The following PRIMPOL variants were observed in gnomAD, a reference collection of about 807,000 sequenced individuals.
PRIMPOL encodes primase and DNA directed polymerase.
PRIMPOL carries 54 observed loss-of-function variants against 63.6 expected under a neutral mutation model. That is an observed-to-expected ratio of 0.85 (90% CI 0.68 to 1.07). The LOEUF is 1.07. Ranked by LOEUF, PRIMPOL falls within the 50% of genes least tolerant of loss-of-function variation. The probability of loss-of-function intolerance (pLI) is 0.00; values close to 1 mark genes in which losing one functional copy is unlikely to be tolerated. For missense variants in PRIMPOL, 610 were observed against 648.3 expected (o/e 0.94, Z 0.64); for synonymous variants, 197 against 220.2 (o/e 0.89, Z 0.93).
intron 6 of PRIMPOL, among the ~76,000 whole-genome samples, chr4:184,670,311 A>G (rs966456413): frequency 7.2e-5 from 11 of 152,170 alleles, no homozygotes; most frequent in African/African-American, 2.7e-4. Context: ...GGGGTCAAGT[A>G]GCTGCAATGT....
In PRIMPOL at chr4:184,663,071, G is replaced by C. The variant is rs185386994; in HGVS notation, c.408+1168G>C. Reference sequence around the variant, plus strand: ...TTATTATTATTATTTCTGAGACAGAGTCTAGCTCTGTCACCCAGACTGGAG... The same window carrying C: ...TTATTATTATTATTTCTGAGACAGACTCTAGCTCTGTCACCCAGACTGGAG... On this transcript the variant is annotated intron_variant, in intron 5 of 13. Transcript: ENST00000314970. 2.8e-3 allele frequency among the ~76,000 whole-genome samples: 393 copies of C among 138,926 alleles called. 6 individuals are homozygous for C. The South Asian group carries it at 0.042, about 15-fold the overall frequency. The allele number at this position is 138,926 out of a possible 152,430, so 91.1% of individuals were successfully genotyped here.
At chr4:184,671,708 G>T (rs1280076573) in intron 6 of PRIMPOL, among the ~76,000 whole-genome samples, 1 of 151,536 alleles carries the variant, frequency 6.6e-6, no homozygotes, top group Non-Finnish European at 1.5e-5. Flanking sequence ...GAAGTCACAG[G>T]AGTGGCATAT....
At position 184,692,899 on chromosome 4, in the gene PRIMPOL, A is replaced by T. The variant is rs374305697; in HGVS notation, c.1425+1187A>T. ...TTTCGGATTCACTATTAGTATTTCT[A>T]TAATGAAGTGCCTGTACCTGTCCTC... is the stretch of plus-strand genomic sequence containing the variant. On this transcript the variant is annotated intron_variant, in intron 13 of 13. Coordinates refer to ENST00000314970, the MANE Select transcript of PRIMPOL (RefSeq NM_152683.4). Among the ~76,000 whole-genome samples the T allele has an allele frequency of 2.0e-5, 3 of 152,308 alleles. No homozygotes were observed. The South Asian group carries it at 6.2e-4, about 32-fold the overall frequency.
chr4:184,672,488 C>T, intron 7 of PRIMPOL, 28 bp downstream of exon 7: 1 of 1,574,434 alleles, frequency 6.4e-7, no homozygotes, highest in Non-Finnish European at 8.6e-7. Flanking sequence ...CTTTCTCCAT[C>T]AGACCGCCCT....
Position 184,657,195 on chromosome 4 carries a change from TA to T in PRIMPOL, c.56del (p.Tyr19LeufsTer53). 2 of 1,613,100 alleles carry T rather than the reference TA, an allele frequency of 1.2e-6. No individual in the cohort carries two copies. Among genetic ancestry groups the T allele is most frequent in the Non-Finnish European group, 1.7e-6 (2 of 1,179,642 alleles). ...GCAAATTGAAGAACGAGCATCTCAT[TA>T]TGAGAGGAAACCGTTGTCCTCAGTG... ...LKQIEERASHYERKPLSSVYR... is the reference protein window; with the variant it reads ...LKQIEERASHXERKPLSSVYR... On this transcript the variant is annotated frameshift_variant, in exon 3 of 14. Coordinates refer to ENST00000314970, the MANE Select transcript of PRIMPOL (RefSeq NM_152683.4). LOFTEE classifies it high-confidence loss of function.
intron 7 of PRIMPOL, among the ~76,000 whole-genome samples, chr4:184,675,783 C>T (rs1753141134): frequency 6.6e-6 from 1 of 152,160 alleles, no homozygotes; most frequent in Admixed American, 6.5e-5. Context: ...TACCACTGCA[C>T]TCCAGCCTGG....
chr4:184,661,932 T>TTATA, intron 5 of PRIMPOL, 29 bp downstream of exon 5: 1 of 1,399,590 alleles, frequency 7.1e-7, no homozygotes, highest in Non-Finnish European at 9.5e-7. Context: ...TTTTTCTTAT[T>TTATA]TCTATCCATC....
chr4:184,680,392 T>TG (rs1356179640), intron 8 of PRIMPOL, among the ~76,000 whole-genome samples: 3 of 152,076 alleles, frequency 2.0e-5, no homozygotes, highest in Admixed American at 6.6e-5. Context: ...TTCCCCATGT[T>TG]GGGGGGGCCG....
At chr4:184,670,849 GAGT>G (rs1246737017) in intron 6 of PRIMPOL, among the ~76,000 whole-genome samples, 1 of 152,106 alleles carries the variant, frequency 6.6e-6, no homozygotes, top group Non-Finnish European at 1.5e-5. Flanking sequence ...ACACCTGGCT[GAGT>G]AGGCAAGTAA....
intron 13 of PRIMPOL, among the ~76,000 whole-genome samples, chr4:184,693,540 T>C (rs1429833624): frequency 6.6e-6 from 1 of 152,238 alleles, no homozygotes; most frequent in African/African-American, 2.4e-5. Context: ...TCTTGTTTTT[T>C]AAAACAAATA....
rs549377226 is a variant in PRIMPOL, at chr4:184,692,701, T to A, written c.1425+989T>A. The stretch of plus-strand genomic sequence containing the variant: ...TCACAAATATTTTTAGTACCTATTA[T>A]CAAATTGCTCTCCATAAAAAGTATA... On this transcript the variant is annotated intron_variant, in intron 13 of 13. Transcript: ENST00000314970. Among the ~76,000 whole-genome samples, 9 of 152,122 alleles carry A rather than the reference T, an allele frequency of 5.9e-5. No individual in the cohort carries two copies. In the East Asian group the frequency reaches 1.7e-3, roughly 29 times the overall value.
intron 8 of PRIMPOL, among the ~76,000 whole-genome samples, 185 bp from the exon 9 acceptor site, chr4:184,682,062 AT>A (rs975937102): frequency 1.1e-4 from 17 of 151,984 alleles, no homozygotes; most frequent in East Asian, 3.9e-4. Flanking sequence ...GACAAATCAT[AT>A]TTTTTTTATA....
intron 7 of PRIMPOL, among the ~76,000 whole-genome samples, chr4:184,675,103 T>C (rs1752939393): frequency 6.6e-6 from 1 of 152,236 alleles, no homozygotes; most frequent in Non-Finnish European, 1.5e-5. Flanking sequence ...CACATGGAGA[T>C]GATTGGCATC....
rs35343168 is a variant in PRIMPOL, at chr4:184,694,413, G to GTATCTATC, written c.1426-104_1426-103insATCTATCT. ...GCATTCCTCCTGCATATTCACTTTA[G>GTATCTATC]TATCTGTCACTTAATACCTTACTTC... On this transcript the variant is annotated intron_variant, in intron 13 of 13. Transcript: ENST00000314970. 2.6e-5 allele frequency: 38 copies of GTATCTATC among 1,449,618 alleles called. No individual in the cohort carries two copies. The East Asian group carries it at 5.5e-4, about 21-fold the overall frequency. The allele number at this position is 1,449,618 out of a possible 1,614,324, so 89.8% of individuals were successfully genotyped here. A position where few individuals can be genotyped will look rare whatever the true frequency, so the allele number is the denominator to read the frequency against.
chr4:184,660,017 C>T (rs1211598002), intron 4 of PRIMPOL, among the ~76,000 whole-genome samples: 2 of 151,706 alleles, frequency 1.3e-5, no homozygotes, highest in African/African-American at 4.8e-5. Flanking sequence ...GACGGGGTTT[C>T]ACCATGTTGA....
At chr4:184,673,634 A>T (rs1353349861) in intron 7 of PRIMPOL, among the ~76,000 whole-genome samples, 3 of 151,510 alleles carry the variant, frequency 2.0e-5, no homozygotes, top group Non-Finnish European at 4.4e-5. Flanking sequence ...CATGTTGGCC[A>T]GGCTAGTCTC....
chr4:184,654,640 G>C (rs1306108888), intron 2 of PRIMPOL, among the ~76,000 whole-genome samples: 2 of 151,972 alleles, frequency 1.3e-5, no homozygotes, highest in African/African-American at 4.8e-5. Context: ...TTTTAGTAGA[G>C]ACAGGGTTTC....
chr4:184,651,729 A>G (rs1009474851), intron 1 of PRIMPOL, among the ~76,000 whole-genome samples: 1 of 151,860 alleles, frequency 6.6e-6, no homozygotes, highest in African/African-American at 2.4e-5. Flanking sequence ...GCTCACTGCA[A>G]CCTCCGCCTC....
intron 3 of PRIMPOL, among the ~76,000 whole-genome samples, chr4:184,658,272 A>G (rs1176841656): frequency 6.6e-6 from 1 of 152,176 alleles, no homozygotes; most frequent in Non-Finnish European, 1.5e-5. Flanking sequence ...TTTAAGAAAT[A>G]CCTTTCTTAG....
Sources: allele counts gnomAD v4.1 joint callset (sites outside exome capture counted in the v4.1 genomes callset), GRCh38; gene constraint gnomAD v4.1.1; transcripts MANE v1.5; gene names NCBI Gene and HGNC (gene_info 2026-07-23, HGNC 2026-07-21).